The following FOXP3 variants were observed in gnomAD, a reference collection of about 807,000 sequenced individuals.
FOXP3 encodes the protein forkhead box P3.
FOXP3 carries 5 observed loss-of-function variants against 31.2 expected under a neutral mutation model. The observed-to-expected ratio is 0.16, with a 90% CI of 0.08 to 0.34. The LOEUF (loss-of-function observed/expected upper bound fraction) is 0.34. FOXP3 is among the 10% of genes least tolerant of loss of function. The probability of loss-of-function intolerance (pLI) is 1.00; values close to 1 mark genes in which losing one functional copy is unlikely to be tolerated. For synonymous variants in FOXP3, 141 were observed against 148.8 expected (o/e 0.95, Z 0.38); for missense variants, 251 against 363.0 (o/e 0.69, Z 2.51).
chrX:49,257,360 G>A, intron 4 of FOXP3, 67 bp downstream of exon 4: 1 of 1,113,464 alleles, frequency 9.0e-7, no homozygotes, highest in South Asian at 2.4e-5. Context: ...AGCCTACACT[G>A]CTCACAGCCA....
At chrX:49,255,623 C>G in intron 7 of FOXP3, 92 bp downstream of exon 7, 1 of 1,112,686 alleles carries the variant, frequency 9.0e-7, no homozygotes, top group East Asian at 3.2e-5. Flanking sequence ...TATACCAGCC[C>G]TCGTCCCAGG....
At chrX:49,256,347 G>A (rs41321247) in intron 6 of FOXP3, among the ~76,000 whole-genome samples, 3 of 109,152 alleles carry the variant, frequency 2.7e-5, no homozygotes, top group Non-Finnish European at 5.7e-5. Flanking sequence ...AGTGGAATAA[G>A]GCTGGCATGT....
chrX:49,256,656 C>A, intron 6 of FOXP3, 95 bp downstream of exon 6: 3 of 718,525 alleles, frequency 4.2e-6, no homozygotes, highest in Non-Finnish European at 6.6e-6. Context: ...TTGCATCTTA[C>A]TACTTATTGG....
At chrX:49,262,124 T>G (rs2066114136) in intron 1 of FOXP3, among the ~76,000 whole-genome samples, 1 of 112,301 alleles carries the variant, frequency 8.9e-6, no homozygotes, top group South Asian at 3.6e-4. Flanking sequence ...AATGGACACA[T>G]GCATGGAGAG....
intron 9 of FOXP3, among the ~76,000 whole-genome samples, chrX:49,253,417 A>C (rs1352350421): frequency 2.7e-5 from 3 of 112,854 alleles, no homozygotes; most frequent in African/African-American, 9.7e-5. Flanking sequence ...GGTTGAAAAG[A>C]AGCGGAGTAA....
rs1405637345 is a variant in FOXP3 at position 49,254,059 on chromosome X, G to A, written c.825C>T (p.Ser275=). Residue 275 remains serine (S), a synonymous_variant, in exon 9 of 12, where the codon TCC becomes TCT. Transcript: ENST00000376207. The part of the protein sequence containing the change: ...ALTKASSVAS[S]DKGSCCIVAA... ...CTACGATGCAGCAGGAGCCCTTGTC[G>A]GATGATGCCTGGGTGAGGGGGAGAG... is the stretch of plus-strand genomic sequence containing the variant. 2.6e-5 allele frequency: 31 copies of A among 1,206,644 alleles called. No homozygotes were observed. Among genetic ancestry groups the A allele is most frequent in the African/African-American group, 5.2e-5 (3 of 57,313 alleles).
At chrX:49,255,306 C>T (rs1476777757) in intron 8 of FOXP3, 123 bp downstream of exon 8, 1 of 604,309 alleles carries the variant, frequency 1.7e-6, no homozygotes, top group Non-Finnish European at 2.7e-6. Context: ...ATGTTTGGAG[C>T]TGGGGACAGG....
rs2066027861 is a variant in FOXP3, at chrX:49,251,153, A to G, written c.*181T>C. On this transcript the variant is annotated 3_prime_UTR_variant, in exon 12 of 12. Transcript: ENST00000376207. ...CCTCTGAGCAGCCTTGGGGCAAAGG[A>G]TATGATGGGGGAGGGGGTGGCTGCC... 1 of 574,504 alleles carries G rather than the reference A, an allele frequency of 1.7e-6. No individual in the cohort carries two copies. The highest frequency in any genetic ancestry group is 2.7e-6 in the Non-Finnish European group (1 of 371,380). The allele number at this position is 574,504 out of a possible 1,213,427, so 47.3% of individuals were successfully genotyped here. A position where few individuals can be genotyped will look rare whatever the true frequency, so the allele number is the denominator to read the frequency against.
intron 9 of FOXP3, among the ~76,000 whole-genome samples, 164 bp from the exon 10 acceptor site, chrX:49,253,366 T>C (rs1557115829): frequency 8.9e-6 from 1 of 112,319 alleles, no homozygotes; most frequent in Non-Finnish European, 1.9e-5. Flanking sequence ...AGTTGTATCA[T>C]TTATTCTTTG....
At chrX:49,255,229 G>C (rs1247426987) in intron 8 of FOXP3, among the ~76,000 whole-genome samples, 200 bp downstream of exon 8, 1 of 112,516 alleles carries the variant, frequency 8.9e-6, no homozygotes, top group East Asian at 2.8e-4. Flanking sequence ...TTACAGGCGT[G>C]AGCCACCACG....
At chrX:49,258,986 TC>T (rs1192786808) in intron 1 of FOXP3, among the ~76,000 whole-genome samples, 2 of 112,451 alleles carry the variant, frequency 1.8e-5, no homozygotes, top group African/African-American at 6.5e-5. Flanking sequence ...CTCAAAAGAT[TC>T]ATCTGGCTGC....
At chrX:49,257,844 G>A in intron 2 of FOXP3, 76 bp from the exon 3 acceptor site, 1 of 788,327 alleles carries the variant, frequency 1.3e-6, no homozygotes, top group South Asian at 2.3e-5. Flanking sequence ...ACTCTGCACT[G>A]CAAGCCCACA....
chrX:49,252,011 AG>A, intron 10 of FOXP3: 1 of 587,268 alleles, frequency 1.7e-6, no homozygotes, highest in Non-Finnish European at 2.0e-6. Flanking sequence ...ATCAGGACTG[AG>A]GTTGGGAGTG....
intron 1 of FOXP3, among the ~76,000 whole-genome samples, chrX:49,262,670 A>G (rs782225413): frequency 5.4e-4 from 61 of 112,127 alleles, no homozygotes; most frequent in Non-Finnish European, 9.6e-4. Flanking sequence ...TAATCTAAAC[A>G]AAGACTCCTG....
chrX:49,259,371 G>A (rs2066096617), intron 1 of FOXP3: 1 of 492,020 alleles, frequency 2.0e-6, no homozygotes, highest in Admixed American at 2.7e-5. Context: ...AAGGAGGCGA[G>A]TCCAGGAGTG....
At chrX:49,262,580 TAA>T (rs1217990269) in intron 1 of FOXP3, among the ~76,000 whole-genome samples, 4 of 112,601 alleles carry the variant, frequency 3.6e-5, no homozygotes, top group African/African-American at 1.3e-4. Context: ...ATTCAAGATA[TAA>T]GTTTTAACAC....
rs11465479 is a variant in FOXP3 at position 49,252,021 on chromosome X, T to C, written c.1045-256A>G. Among the ~76,000 whole-genome samples the C allele has an allele frequency of 7.7e-3, 828 of 106,935 alleles. 9 individuals are homozygous for C. The highest frequency in any genetic ancestry group is 0.027 in the African/African-American group (791 of 29,046). 92.9% of individuals were successfully genotyped at this position (106,935 alleles called of 115,157 possible). On this transcript the variant is annotated intron_variant, in intron 10 of 11. Transcript: ENST00000376207. ...AAGGGATCAGGACTGAGGTTGGGAG[T>C]GGGGTCTTGTTCAGGGCTAGGGCTG... is the stretch of plus-strand genomic sequence containing the variant.
rs1341877530 is a variant in FOXP3, at chrX:49,254,170, C to T, written c.817-103G>A. The T allele has an allele frequency of 7.1e-6, 7 of 984,650 alleles. No homozygotes were observed. The East Asian group carries it at 1.4e-4, about 19-fold the overall frequency. The allele number at this position is 984,650 out of a possible 1,213,427, so 81.1% of individuals were successfully genotyped here. Reference sequence around the variant, plus strand: ...TTTTTGATACTGAGTCTTGCTCTGTCGCCCAGGCTGGAGTGCAGTGGTGCA... The same window carrying T: ...TTTTTGATACTGAGTCTTGCTCTGTTGCCCAGGCTGGAGTGCAGTGGTGCA... On this transcript the variant is annotated intron_variant, in intron 8 of 11. Transcript: ENST00000376207.
chrX:49,253,245 C>A, intron 9 of FOXP3, 43 bp from the exon 10 acceptor site: 3 of 1,090,625 alleles, frequency 2.8e-6, no homozygotes, highest in Non-Finnish European at 3.8e-6. Context: ...GCAGGACCTC[C>A]TAGCTAGCTC....
Sources: allele counts gnomAD v4.1 joint callset (sites outside exome capture counted in the v4.1 genomes callset), GRCh38; gene constraint gnomAD v4.1.1; transcripts MANE v1.5; gene names NCBI Gene and HGNC (gene_info 2026-07-23, HGNC 2026-07-21).